Variants in KDM4C observed in about 807,000 individuals in gnomAD.
KDM4C encodes lysine demethylase 4C, also known as lysine-specific demethylase 4C.
Under a neutral mutation model 129.3 loss-of-function variants are expected in KDM4C, and 81 were observed. The observed-to-expected ratio is 0.63, with a 90% confidence interval of 0.52 to 0.75. KDM4C has a LOEUF of 0.75. Among genes scored for constraint, KDM4C ranks in the 30% least tolerant of loss-of-function variants. The pLI is 0.00. For missense variants in KDM4C, 1,457 were observed against 1,304.0 expected (o/e 1.12, Z -1.81); for synonymous variants, 573 against 456.1 (o/e 1.26, Z -3.26).
intron 5 of KDM4C, among the ~76,000 whole-genome samples, chr9:6,856,850 C>T (rs1235167731): frequency 2.0e-5 from 3 of 151,016 alleles, no homozygotes; most frequent in Non-Finnish European, 4.4e-5. Flanking sequence ...CTCCGCTTCC[C>T]GGGTTCACGC....
At chr9:7,073,558 C>G (rs1464195027) in intron 17 of KDM4C, among the ~76,000 whole-genome samples, 1 of 152,160 alleles carries the variant, frequency 6.6e-6, no homozygotes, top group East Asian at 1.9e-4. Flanking sequence ...TTAATTGTTT[C>G]CAGTATTTTC....
chr9:6,978,348 A>C (rs1331937987), intron 8 of KDM4C, among the ~76,000 whole-genome samples: 2 of 146,122 alleles, frequency 1.4e-5, no homozygotes, highest in South Asian at 2.3e-4. Context: ...TTAAAGGTGT[A>C]ATCTTTTTAT....
At chr9:6,837,548 C>T (rs1836110182) in intron 4 of KDM4C, among the ~76,000 whole-genome samples, 1 of 152,194 alleles carries the variant, frequency 6.6e-6, no homozygotes, top group South Asian at 2.1e-4. Flanking sequence ...TGATGTCATT[C>T]TTGTGCCTGT....
At chr9:6,868,113 A>T (rs1007727150) in intron 5 of KDM4C, among the ~76,000 whole-genome samples, 4 of 152,100 alleles carry the variant, frequency 2.6e-5, no homozygotes. Context: ...TTCTCGCACC[A>T]AACCCTCCCT....
At chr9:6,793,190 C>G in intron 2 of KDM4C, 58 bp downstream of exon 2, 1 of 1,562,474 alleles carries the variant, frequency 6.4e-7, no homozygotes, top group Non-Finnish European at 8.7e-7. Flanking sequence ...AATTTATGTT[C>G]TTAGTTTTCA....
At chr9:7,054,293 G>A (rs1474590474) in intron 17 of KDM4C, among the ~76,000 whole-genome samples, 1 of 152,186 alleles carries the variant, frequency 6.6e-6, no homozygotes, top group Admixed American at 6.5e-5. Context: ...TATAGATTTA[G>A]AATTTATTCA....
At chr9:7,142,545 A>C (rs1191637014) in intron 19 of KDM4C, among the ~76,000 whole-genome samples, 3 of 152,202 alleles carry the variant, frequency 2.0e-5, no homozygotes, top group Non-Finnish European at 4.4e-5. Flanking sequence ...GATGGACTAC[A>C]TGACTTACCG....
At chr9:6,927,257 G>A (rs1822801693) in intron 8 of KDM4C, among the ~76,000 whole-genome samples, 1 of 152,222 alleles carries the variant, frequency 6.6e-6, no homozygotes, top group South Asian at 2.1e-4. Context: ...AGCCTCCTGA[G>A]TAGTTGGGAT....
chr9:7,137,431 T>C (rs1005980199), intron 19 of KDM4C, among the ~76,000 whole-genome samples: 1 of 152,206 alleles, frequency 6.6e-6, no homozygotes, highest in Non-Finnish European at 1.5e-5. Flanking sequence ...TATCAGATTG[T>C]CACCATTCAT....
At chr9:6,893,349 C>T (rs936788483) in intron 8 of KDM4C, 117 bp downstream of exon 8, 3 of 688,712 alleles carry the variant, frequency 4.4e-6, no homozygotes, top group African/African-American at 1.9e-5. Context: ...CCATGTGCCT[C>T]TCACCACAGC....
chr9:7,052,542 C>T (rs1830288446), intron 17 of KDM4C, among the ~76,000 whole-genome samples: 1 of 152,196 alleles, frequency 6.6e-6, no homozygotes, highest in Non-Finnish European at 1.5e-5. Context: ...CACATGTCTG[C>T]ATATTGCTCT....
At chr9:7,057,766 A>G (rs1464556344) in intron 17 of KDM4C, among the ~76,000 whole-genome samples, 3 of 152,200 alleles carry the variant, frequency 2.0e-5, no homozygotes, top group African/African-American at 4.8e-5. Flanking sequence ...CCGAGGGAGC[A>G]GGGCATAGAA....
intron 19 of KDM4C, among the ~76,000 whole-genome samples, chr9:7,160,924 G>T (rs891218502): frequency 1.3e-5 from 2 of 152,198 alleles, no homozygotes; most frequent in Non-Finnish European, 2.9e-5. Flanking sequence ...GTTCAGCTAT[G>T]CCCTGCCCAC....
At chr9:7,073,621 A>G (rs1833513925) in intron 17 of KDM4C, among the ~76,000 whole-genome samples, 1 of 152,198 alleles carries the variant, frequency 6.6e-6, no homozygotes, top group Admixed American at 6.5e-5. Flanking sequence ...TGTTTGTTTT[A>G]CTTTTCATTT....
chr9:6,985,466 G>C (rs1464626237), intron 10 of KDM4C, among the ~76,000 whole-genome samples: 1 of 151,828 alleles, frequency 6.6e-6, no homozygotes, highest in Non-Finnish European at 1.5e-5. Context: ...GTGGTAAGTA[G>C]CATTATAGAG....
chr9:6,956,097 T>G (rs1829015015), intron 8 of KDM4C, among the ~76,000 whole-genome samples: 1 of 151,938 alleles, frequency 6.6e-6, no homozygotes, highest in African/African-American at 2.4e-5. Context: ...TACCAGAGGC[T>G]GAGGAGGGTA....
chr9:7,046,857 C>G lies in KDM4C; in HGVS notation c.2260-5C>G, dbSNP rs1829476329. On this transcript the variant is annotated splice_polypyrimidine_tract_variant and splice_region_variant and intron_variant, in intron 15 of 21. Coordinates refer to ENST00000381309, the MANE Select transcript of KDM4C (RefSeq NM_015061.6). The stretch of plus-strand genomic sequence containing the variant: ...TCATCATGTGGTATTTTCTTTTCCC[C>G]CCAGGAATGCTGTCTCTGCAATTTG... 1 of 1,603,804 alleles carries G rather than the reference C, an allele frequency of 6.2e-7. No homozygotes were observed.
intron 15 of KDM4C, among the ~76,000 whole-genome samples, chr9:7,019,674 A>G (rs1824303973): frequency 1.1e-5 from 1 of 90,396 alleles, no homozygotes; most frequent in African/African-American, 3.8e-5. Context: ...CTCTTTAAAA[A>G]GAGAGACTAT....
chr9:6,802,493 G>A (rs62567987), intron 2 of KDM4C, among the ~76,000 whole-genome samples: 20,122 of 152,176 alleles, frequency 0.13, 1,700 homozygotes, highest in African/African-American at 0.23. Flanking sequence ...ATTTGCAATA[G>A]CCAATAATTA....
Sources: gnomAD v4.1 joint callset for allele counts (sites outside exome capture counted in the v4.1 genomes callset) on GRCh38, gnomAD v4.1.1 for gene constraint, MANE v1.5 for transcripts, NCBI Gene and HGNC (gene_info 2026-07-23, HGNC 2026-07-21) for gene names.